Variants in RAG1 observed in about 807,000 individuals in gnomAD.
RAG1 encodes the protein V(D)J recombination-activating protein 1.
Under a neutral mutation model 62.7 loss-of-function variants are expected in RAG1, and 35 were observed. That is an observed-to-expected ratio of 0.56 (90% CI 0.43 to 0.74). RAG1 has a LOEUF of 0.74. Ranked by LOEUF, RAG1 falls within the 30% of genes least tolerant of loss-of-function variation. The probability of loss-of-function intolerance (pLI) is 0.00; values close to 1 mark genes in which losing one functional copy is unlikely to be tolerated. For synonymous variants in RAG1, 461 were observed against 470.3 expected (o/e 0.98, Z 0.26); for missense variants, 1,169 against 1,278.6 (o/e 0.91, Z 1.31).
chr11:36,520,547 G>A (rs998499531), intron 2 of RAG1, among the ~76,000 whole-genome samples: 1 of 152,216 alleles, frequency 6.6e-6, no homozygotes, highest in Non-Finnish European at 1.5e-5. Flanking sequence ...GAAGTGCTGG[G>A]ATTACAGGCA....
intron 2 of RAG1, among the ~76,000 whole-genome samples, chr11:36,528,379 G>C (rs560664696): frequency 9.2e-5 from 14 of 152,262 alleles, no homozygotes; most frequent in African/African-American, 3.4e-4. Flanking sequence ...TGAACCACCT[G>C]CTCCTGAATG....
Position 36,573,896 on chromosome 11 carries a change from A to C in RAG1, c.592A>C (p.Arg198=), listed in dbSNP as rs746425890. 51 of 1,613,972 alleles carry C rather than the reference A, an allele frequency of 3.2e-5. No homozygotes were observed. Among genetic ancestry groups the C allele is most frequent in the Non-Finnish European group, 4.2e-5 (50 of 1,180,014 alleles). Residue 198 remains arginine, a synonymous_variant, in exon 2 of 2, where the codon AGG becomes CGG. Transcript: ENST00000299440. ...TGCCCCATGTGAGGTTTACTTCCCG[A>C]GGAACGTGACCATGGAGTGGCACCC... ...SSAPCEVYFP[R]NVTMEWHPHT... is the part of the protein sequence containing the mutation.
intron 3 of RAG1, among the ~76,000 whole-genome samples, chr11:36,560,419 C>A (rs1019093941): frequency 5.9e-5 from 9 of 152,124 alleles, no homozygotes; most frequent in Admixed American, 2.0e-4. Context: ...GCAGCTGAAC[C>A]ACTGAATCTA....
chr11:36,546,815 T>A (rs1850400449), intron 3 of RAG1, among the ~76,000 whole-genome samples: 1 of 152,140 alleles, frequency 6.6e-6, no homozygotes, highest in Non-Finnish European at 1.5e-5. Context: ...GTAAAGGATT[T>A]TATTTCTCTT....
chr11:36,525,879 A>G (rs969135574), intron 2 of RAG1, among the ~76,000 whole-genome samples: 2 of 152,052 alleles, frequency 1.3e-5, no homozygotes, highest in African/African-American at 4.8e-5. Flanking sequence ...TGTGTTTTGT[A>G]TGCTTTTCAT....
At chr11:36,548,442 A>G (rs1349912378) in intron 3 of RAG1, among the ~76,000 whole-genome samples, 3 of 152,216 alleles carry the variant, frequency 2.0e-5, no homozygotes, top group African/African-American at 7.2e-5. Context: ...ACAAAAATCA[A>G]TGTGCAAAAA....
At chr11:36,564,604 A>G (rs904540279), upstream of RAG1, among the ~76,000 whole-genome samples, 1 of 152,238 alleles carries the variant, frequency 6.6e-6, no homozygotes, top group Non-Finnish European at 1.5e-5. Context: ...GAAAGCCCGC[A>G]GCAGATCTCC....
At chr11:36,527,132 G>T (rs1288159991) in intron 2 of RAG1, among the ~76,000 whole-genome samples, 2 of 152,100 alleles carry the variant, frequency 1.3e-5, no homozygotes, top group African/African-American at 2.4e-5. Context: ...CATTGCTTTT[G>T]GTGTTTTAGT....
chr11:36,561,948 A>G (rs1015403398), intron 3 of RAG1, among the ~76,000 whole-genome samples: 1 of 152,154 alleles, frequency 6.6e-6, no homozygotes, highest in Non-Finnish European at 1.5e-5. Flanking sequence ...AGAATGGCCA[A>G]TGTCAGCGTA....
rs143969029 is a variant in RAG1 at position 36,574,824 on chromosome 11, G to A, written c.1520G>A (p.Arg507Gln). 12 of 1,614,210 alleles carry A rather than the reference G, an allele frequency of 7.4e-6. No individual in the cohort carries two copies. Among genetic ancestry groups the A allele is most frequent in the East Asian group, 2.2e-5 (1 of 44,886 alleles). Residue 507 changes from arginine to glutamine, a missense_variant, in exon 2 of 2, where the codon CGG becomes CAG. Physicochemically the swap from Arg to Gln is conservative, Grantham distance 43. Coordinates refer to ENST00000299440, the MANE Select transcript of RAG1 (RefSeq NM_000448.3). ...RQIFQPLHAL[R>Q]NAEKVLLPGY... ...ATTTTTCAGCCTTTGCATGCCCTTCGGAATGCTGAGAAGGTACTTCTGCCA... is the reference window on the plus strand; with the variant it reads ...ATTTTTCAGCCTTTGCATGCCCTTCAGAATGCTGAGAAGGTACTTCTGCCA...
At chr11:36,549,976 A>G in intron 3 of RAG1, among the ~76,000 whole-genome samples, 5 of 152,080 alleles carry the variant, frequency 3.3e-5, no homozygotes, top group African/African-American at 1.2e-4. Flanking sequence ...AAACATAGAT[A>G]AAGCTGGAAA....
intron 2 of RAG1, among the ~76,000 whole-genome samples, chr11:36,535,696 G>A (rs1860316175): frequency 6.6e-6 from 1 of 152,080 alleles, no homozygotes; most frequent in South Asian, 2.1e-4. Context: ...AGTGAGCCAA[G>A]ATAGAGCCAC....
intron 1 of RAG1, among the ~76,000 whole-genome samples, chr11:36,517,640 C>G (rs1860013762): frequency 6.6e-6 from 1 of 152,140 alleles, no homozygotes; most frequent in African/African-American, 2.4e-5. Context: ...ATTTGCCTCT[C>G]TCATATGGTG....
intron 2 of RAG1, among the ~76,000 whole-genome samples, chr11:36,520,746 A>G (rs935578257): frequency 2.0e-5 from 3 of 152,360 alleles, no homozygotes; most frequent in Middle Eastern, 3.4e-3. Flanking sequence ...GAGACATTAA[A>G]GATTACTTTG....
chr11:36,576,010 TAA>T lies in RAG1; in HGVS notation c.2708_2709del (p.Lys903ArgfsTer18), dbSNP rs1481440647. ...CAGTATGGCGATCATCATGCCCTGC[TAA>T]AGAGTGCCCAGAATCCCTCTGCCAG... is the stretch of plus-strand genomic sequence containing the variant. ...KPVWRSSCPAKECPESLCQYS... is the reference protein window; with the variant it reads ...KPVWRSSCPAXECPESLCQYS... On this transcript the variant is annotated frameshift_variant, in exon 2 of 2. Coordinates refer to ENST00000299440, the MANE Select transcript of RAG1 (RefSeq NM_000448.3). LOFTEE classifies it high-confidence loss of function. 6.2e-7 allele frequency: 1 copy of T among 1,614,216 alleles called. No individual in the cohort carries two copies. Among genetic ancestry groups the T allele is most frequent in the Non-Finnish European group, 8.5e-7 (1 of 1,180,042 alleles).
intron 3 of RAG1, among the ~76,000 whole-genome samples, chr11:36,561,757 G>T (rs542628547): frequency 6.6e-6 from 1 of 152,130 alleles, no homozygotes; most frequent in Non-Finnish European, 1.5e-5. Context: ...CTTTTGGATT[G>T]GTACTGAAAC....
intron 2 of RAG1, among the ~76,000 whole-genome samples, chr11:36,531,071 C>T (rs1052264462): frequency 9.3e-5 from 14 of 150,160 alleles, no homozygotes; most frequent in African/African-American, 3.4e-4. Context: ...TTTTTTTTTG[C>T]ATTATATAAG....
intron 3 of RAG1, among the ~76,000 whole-genome samples, chr11:36,557,799 A>G (rs886391750): frequency 1.3e-5 from 2 of 152,228 alleles, no homozygotes; most frequent in African/African-American, 2.4e-5. Context: ...TTTAATATGT[A>G]TCCTCAAGTT....
At chr11:36,564,781 G>A (rs1850638230), upstream of RAG1, among the ~76,000 whole-genome samples, 1 of 152,242 alleles carries the variant, frequency 6.6e-6, no homozygotes, top group Non-Finnish European at 1.5e-5. Flanking sequence ...CGCCGCCAGT[G>A]CAGGGTGGCG....
Sources: gnomAD v4.1 joint callset for allele counts (sites outside exome capture counted in the v4.1 genomes callset) on GRCh38, gnomAD v4.1.1 for gene constraint, MANE v1.5 for transcripts, NCBI Gene and HGNC (gene_info 2026-07-23, HGNC 2026-07-21) for gene names.